Variants in ARHGEF33 observed in about 807,000 individuals in gnomAD.
The protein encoded by ARHGEF33 is DH and coiled-coil domain-containing protein ENSP00000381780.
Under a neutral mutation model 101.9 loss-of-function variants are expected in ARHGEF33, and 72 were observed. The observed-to-expected ratio is 0.71, with a 90% CI of 0.58 to 0.86. The LOEUF (loss-of-function observed/expected upper bound fraction) is 0.86. Ranked by LOEUF, ARHGEF33 falls within the 40% of genes least tolerant of loss-of-function variation. The probability of loss-of-function intolerance (pLI) is 0.00; values close to 1 mark genes in which losing one functional copy is unlikely to be tolerated. For missense variants in ARHGEF33, 1,169 were observed against 1,111.3 expected (o/e 1.05, Z -0.74); for synonymous variants, 499 against 442.5 (o/e 1.13, Z -1.60).
At chr2:38,896,042 T>C (rs1666115435) in intron 2 of ARHGEF33, among the ~76,000 whole-genome samples, 193 bp downstream of exon 2, 1 of 152,216 alleles carries the variant, frequency 6.6e-6, no homozygotes, top group African/African-American at 2.4e-5. Context: ...TAAGGGCAAA[T>C]AGCCACCTTC....
At chr2:38,894,417 C>CT (rs1304555272) in intron 1 of ARHGEF33, among the ~76,000 whole-genome samples, 1 of 27,980 alleles carries the variant, frequency 3.6e-5, no homozygotes, top group Non-Finnish European at 1.7e-4. Flanking sequence ...TCTGTATATG[C>CT]TGGGGGAAAA....
chr2:38,975,400 A>C lies in ARHGEF33; in HGVS notation c.*1557A>C, dbSNP rs1194900444. 1 of 152,246 alleles carries C rather than the reference A, an allele frequency of 6.6e-6. No individual in the cohort carries two copies. Among genetic ancestry groups the C allele is most frequent in the Non-Finnish European group, 1.5e-5 (1 of 68,034 alleles). 9.4% of individuals were successfully genotyped at this position (152,246 alleles called of 1,614,324 possible). A position where few individuals can be genotyped will look rare whatever the true frequency, so the allele number is the denominator to read the frequency against. ...CAACGCCAAATCGACTGGACGTGGA[A>C]AGTGAAATACTACAGAAGTCACAAT... On this transcript the variant is annotated 3_prime_UTR_variant, in exon 18 of 18. Transcript: ENST00000409978.
At chr2:38,921,628 G>A (rs918132968) in intron 4 of ARHGEF33, among the ~76,000 whole-genome samples, 7 of 152,110 alleles carry the variant, frequency 4.6e-5, no homozygotes, top group Non-Finnish European at 8.8e-5. Flanking sequence ...TTTTGAGACA[G>A]GGTCTTGCTG....
At chr2:38,924,880 T>G (rs993987393) in intron 4 of ARHGEF33, among the ~76,000 whole-genome samples, 1 of 152,136 alleles carries the variant, frequency 6.6e-6, no homozygotes, top group African/African-American at 2.4e-5. Context: ...TATACAAAAT[T>G]TTAAAACAAA....
chr2:38,902,454 A>G (rs1327740808), intron 2 of ARHGEF33, among the ~76,000 whole-genome samples: 1 of 152,230 alleles, frequency 6.6e-6, no homozygotes, highest in Admixed American at 6.5e-5. Flanking sequence ...CTGTCAAAAC[A>G]GGAGCTTATG....
At chr2:38,933,279 G>C (rs1313011568) in intron 7 of ARHGEF33, among the ~76,000 whole-genome samples, 1 of 152,146 alleles carries the variant, frequency 6.6e-6, no homozygotes, top group African/African-American at 2.4e-5. Flanking sequence ...TGTAACCTGG[G>C]CCTCTCCAAG....
chr2:38,948,738 A>G (rs1255163877), intron 10 of ARHGEF33, among the ~76,000 whole-genome samples: 1 of 152,208 alleles, frequency 6.6e-6, no homozygotes, highest in African/African-American at 2.4e-5. Context: ...ACTATTACAC[A>G]AAGTCATTTA....
At position 38,960,543 on chromosome 2, in the gene ARHGEF33, G is replaced by T; in HGVS notation, c.2238G>T (p.Ala746=). The T allele has an allele frequency of 1.6e-6, 2 of 1,258,596 alleles. No homozygotes were observed. Among genetic ancestry groups the T allele is most frequent in the East Asian group, 7.4e-5 (2 of 27,094 alleles). 78.0% of individuals were successfully genotyped at this position (1,258,596 alleles called of 1,614,324 possible). ...APIKAERAAQ[A]HGPAAAAVAA... Reference sequence around the variant, plus strand: ...TCAAGGCCGAGCGCGCCGCGCAGGCGCACGGCCCGGCCGCCGCCGCCGTCG... The same window carrying T: ...TCAAGGCCGAGCGCGCCGCGCAGGCTCACGGCCCGGCCGCCGCCGCCGTCG... Residue 746 remains alanine (A), a synonymous_variant, in exon 16 of 18, where the codon GCG becomes GCT. Transcript: ENST00000409978.
At chr2:38,943,720 G>T (rs13395448) in intron 9 of ARHGEF33, among the ~76,000 whole-genome samples, 181 bp from the exon 10 acceptor site, 3 of 152,230 alleles carry the variant, frequency 2.0e-5, no homozygotes, top group Admixed American at 6.5e-5. Flanking sequence ...CCAAGACTTC[G>T]TGCCCTTTGC....
Position 38,937,516 on chromosome 2 carries a change from A to T in ARHGEF33, c.747A>T (p.Arg249Ser). Residue 249 changes from arginine to serine, a missense_variant, in exon 9 of 18, where the codon AGA becomes AGT. Physicochemically the swap from Arg to Ser is moderately radical, Grantham distance 110 (BLOSUM62 -1). Coordinates refer to ENST00000409978, the MANE Select transcript of ARHGEF33 (RefSeq NM_001145451.5). ...PDKLKEAGQG[R>S]HSSLENVLCE... ...AACTCAAGGAGGCTGGCCAGGGTAG[A>T]CACAGCTCCTTGGAAAACGTTTTAT... 1 of 1,550,572 alleles carries T rather than the reference A, an allele frequency of 6.4e-7. No homozygotes were observed. The highest frequency in any genetic ancestry group is 2.4e-5 in the East Asian group (1 of 40,912).
chr2:38,924,139 A>C (rs998641117), intron 4 of ARHGEF33, among the ~76,000 whole-genome samples: 28 of 152,362 alleles, frequency 1.8e-4, no homozygotes, highest in African/African-American at 6.5e-4. Flanking sequence ...CAAAGAACAC[A>C]GACAATTTAC....
Position 38,947,787 on chromosome 2 carries a change from T to G in ARHGEF33, c.921-3202T>G, listed in dbSNP as rs546094237. Reference sequence around the variant, plus strand: ...ATTAGCCTTGTAAGCTAAACTCCAGTGCTGTGTCCACCAAGAGCTCAACAA... The same window carrying G: ...ATTAGCCTTGTAAGCTAAACTCCAGGGCTGTGTCCACCAAGAGCTCAACAA... On this transcript the variant is annotated intron_variant, in intron 10 of 17. Transcript: ENST00000409978. Among the ~76,000 whole-genome samples the G allele has an allele frequency of 2.0e-5, 3 of 152,254 alleles. No individual in the cohort carries two copies. The South Asian group carries it at 6.2e-4, about 32-fold the overall frequency.
chr2:38,939,657 C>T (rs1404490110), intron 9 of ARHGEF33, among the ~76,000 whole-genome samples: 2 of 151,952 alleles, frequency 1.3e-5, no homozygotes, highest in East Asian at 3.9e-4. Flanking sequence ...AGTCCATTGC[C>T]CAACTTTTTT....
At chr2:38,959,579 CG>C (rs1435312881) in intron 15 of ARHGEF33, 2 of 387,616 alleles carry the variant, frequency 5.2e-6, no homozygotes, top group Non-Finnish European at 9.3e-6. Flanking sequence ...GGCTTCCACG[CG>C]GGGTGATGAC....
chr2:38,923,115 C>CA (rs1410014393), intron 4 of ARHGEF33, among the ~76,000 whole-genome samples: 1 of 152,144 alleles, frequency 6.6e-6, no homozygotes, highest in Non-Finnish European at 1.5e-5. Flanking sequence ...CTAAATATAG[C>CA]TGCAGTGGGG....
chr2:38,928,963 G>A lies in ARHGEF33; in HGVS notation c.132G>A (p.Leu44=). The A allele has an allele frequency of 1.3e-6, 2 of 1,551,532 alleles. No individual in the cohort carries two copies. The highest frequency in any genetic ancestry group is 1.7e-6 in the Non-Finnish European group (2 of 1,146,832). Residue 44 remains leucine (L), a synonymous_variant, in exon 5 of 18, where the codon CTG becomes CTA. Transcript: ENST00000409978. ...KTGFTEAMQE[L]SRIQHGEYAL... The stretch of plus-strand genomic sequence containing the variant: ...GTTTCACAGAAGCAATGCAAGAACT[G>A]TCAAGAATTCAACATGGAGAATATG...
chr2:38,965,294 A>T (rs1668029145), intron 16 of ARHGEF33, among the ~76,000 whole-genome samples: 1 of 152,268 alleles, frequency 6.6e-6, no homozygotes, highest in South Asian at 2.1e-4. Flanking sequence ...GCTTGTATGC[A>T]TATAAATATA....
chr2:38,907,703 G>A (rs536838718), intron 2 of ARHGEF33, among the ~76,000 whole-genome samples: 29 of 152,246 alleles, frequency 1.9e-4, no homozygotes, highest in African/African-American at 3.1e-4. Flanking sequence ...TCCCTCCAGC[G>A]TTTCCCAGGA....
intron 2 of ARHGEF33, among the ~76,000 whole-genome samples, chr2:38,898,088 T>C (rs1468654791): frequency 6.6e-6 from 1 of 152,162 alleles, no homozygotes; most frequent in East Asian, 1.9e-4. Flanking sequence ...TCTATATTAG[T>C]GCATGGCTAA....
Sources: gnomAD v4.1 joint callset for allele counts (sites outside exome capture counted in the v4.1 genomes callset) on GRCh38, gnomAD v4.1.1 for gene constraint, MANE v1.5 for transcripts, NCBI Gene and HGNC (gene_info 2026-07-23, HGNC 2026-07-21) for gene names.